ANKRD33B: variants seen among roughly 807,000 people sequenced by gnomAD.
The protein encoded by ANKRD33B is ankyrin repeat domain 33B.
ANKRD33B carries 6 observed loss-of-function variants against 21.5 expected under a neutral mutation model. That is an observed-to-expected ratio of 0.28 (90% CI 0.15 to 0.55). The LOEUF is 0.55. ANKRD33B is among the 20% of genes least tolerant of loss of function. The pLI is 0.94. For synonymous variants in ANKRD33B, 347 were observed against 342.4 expected, an observed-to-expected ratio of 1.01 and a Z score of -0.15; for missense variants, 698 against 747.2, an observed-to-expected ratio of 0.93 and a Z score of 0.77.
chr5:10,635,923 C>G (rs1185438242), intron 2 of ANKRD33B, among the ~76,000 whole-genome samples: 3 of 152,260 alleles, frequency 2.0e-5, no homozygotes, highest in Non-Finnish European at 1.5e-5. Flanking sequence ...GAGATCTCAG[C>G]CGCAGCGGGG....
intron 2 of ANKRD33B, among the ~76,000 whole-genome samples, chr5:10,631,905 T>G (rs1736724918): frequency 1.3e-5 from 2 of 152,200 alleles, no homozygotes; most frequent in Admixed American, 1.3e-4. Flanking sequence ...GCTGGTCGGT[T>G]GTTTCATCCA....
At chr5:10,632,134 G>A (rs752605562) in intron 2 of ANKRD33B, among the ~76,000 whole-genome samples, 28 of 151,952 alleles carry the variant, frequency 1.8e-4, no homozygotes, top group Admixed American at 9.2e-4. Context: ...GGTTCAGTCC[G>A]TTGGATGGCT....
Position 10,612,580 on chromosome 5 carries a change from G to A in ANKRD33B, c.367-5753G>A, listed in dbSNP as rs1056961503. Among the ~76,000 whole-genome samples the A allele has an allele frequency of 5.9e-5, 9 of 152,228 alleles. No individual in the cohort carries two copies. The South Asian group carries it at 1.0e-3, about 17-fold the overall frequency. On this transcript the variant is annotated intron_variant, in intron 1 of 3. Transcript: ENST00000296657. Reference sequence around the variant, plus strand: ...AACATTTGAGTCAGTCTTCATTCACGCTGCCCGAGTATTCTTGCATTACCT... The same window carrying A: ...AACATTTGAGTCAGTCTTCATTCACACTGCCCGAGTATTCTTGCATTACCT...
chr5:10,624,779 G>GCGCCTC (rs1736506778), intron 2 of ANKRD33B: 1 of 456,650 alleles, frequency 2.2e-6, no homozygotes, highest in Admixed American at 2.3e-5. Context: ...TCCCAATCTT[G>GCGCCTC]CGCCTCCGGC....
chr5:10,624,921 G>C (rs2126588332), intron 2 of ANKRD33B: 1 of 396,446 alleles, frequency 2.5e-6, no homozygotes, highest in South Asian at 1.8e-5. Flanking sequence ...CAGATCAACA[G>C]GTTTCCTGGT....
intron 2 of ANKRD33B, among the ~76,000 whole-genome samples, chr5:10,625,336 T>C (rs1254448866): frequency 1.3e-5 from 2 of 152,278 alleles, no homozygotes; most frequent in African/African-American, 2.4e-5. Context: ...GTCTTCCAAA[T>C]ATTCCAGCTC....
At position 10,649,249 on chromosome 5, in the gene ANKRD33B, TGTTTTGC is replaced by T; in HGVS notation, c.638-9_638-3del. The T allele has an allele frequency of 1.3e-6, 2 of 1,507,676 alleles. No homozygotes were observed. Among genetic ancestry groups the T allele is most frequent in the Non-Finnish European group, 1.8e-6 (2 of 1,127,890 alleles). 93.4% of individuals were successfully genotyped at this position (1,507,676 alleles called of 1,614,324 possible). A position where few individuals can be genotyped will look rare whatever the true frequency, so the allele number is the denominator to read the frequency against. ...TGTTGCCGCCACCCACTTCTGTTTG[TGTTTTGC>T]GTTTTGCAGGGGCGGATGTCCACGC... is the stretch of plus-strand genomic sequence containing the variant. On this transcript the variant is annotated splice_polypyrimidine_tract_variant and intron_variant, in intron 3 of 3. Transcript: ENST00000296657.
In ANKRD33B at chr5:10,581,197, T is replaced by A. The variant is rs1034093512; in HGVS notation, c.366+16364T>A. On this transcript the variant is annotated intron_variant, in intron 1 of 3. Transcript: ENST00000296657. ...TCCCCATCCCAGCCACTGAGACTTC[T>A]CATGACCTTGGCAGGGCTGCCTCCT... is the stretch of plus-strand genomic sequence containing the variant. Among the ~76,000 whole-genome samples the A allele has an allele frequency of 1.6e-4, 24 of 152,344 alleles. 1 individual carries two copies. The highest frequency in any genetic ancestry group is 3.4e-3 in the Middle Eastern group (1 of 294).
chr5:10,635,485 G>C lies in ANKRD33B; in HGVS notation c.497-2543G>C, dbSNP rs1186785082. ...GTCAAAAAAGCACCAGCGACTGGCT[G>C]TGAGTCACGCAGCGAGGGGATCGTA... is the stretch of plus-strand genomic sequence containing the variant. On this transcript the variant is annotated intron_variant, in intron 2 of 3. Transcript: ENST00000296657. Among the ~76,000 whole-genome samples, 5 of 152,222 alleles carry C rather than the reference G, an allele frequency of 3.3e-5. No homozygotes were observed. In the East Asian group the frequency reaches 9.6e-4, roughly 29 times the overall value.
intron 1 of ANKRD33B, among the ~76,000 whole-genome samples, chr5:10,617,870 G>C (rs910660272): frequency 4.6e-5 from 7 of 152,118 alleles, no homozygotes; most frequent in Non-Finnish European, 5.9e-5. Context: ...TCCCCTCTCT[G>C]TGTCCCTGTG....
chr5:10,622,623 T>G (rs1736444830), intron 2 of ANKRD33B, among the ~76,000 whole-genome samples: 1 of 152,176 alleles, frequency 6.6e-6, no homozygotes, highest in Non-Finnish European at 1.5e-5. Flanking sequence ...AATGTTCTTT[T>G]GCTTCTTGCA....
chr5:10,631,682 A>T (rs1736714391), intron 2 of ANKRD33B, among the ~76,000 whole-genome samples: 1 of 152,220 alleles, frequency 6.6e-6, no homozygotes, highest in Non-Finnish European at 1.5e-5. Context: ...TATCGATGAG[A>T]GGAGAAACAC....
chr5:10,631,548 GC>G (rs754653091), intron 2 of ANKRD33B, among the ~76,000 whole-genome samples: 3 of 152,238 alleles, frequency 2.0e-5, no homozygotes, highest in Non-Finnish European at 4.4e-5. Flanking sequence ...CAGGGAAGCA[GC>G]GCCTCTGGCC....
intron 2 of ANKRD33B, among the ~76,000 whole-genome samples, chr5:10,636,027 C>T (rs535148278): frequency 7.2e-5 from 11 of 152,296 alleles, no homozygotes; most frequent in East Asian, 3.9e-4. Flanking sequence ...CATGCCTGCC[C>T]GACCCCAGAG....
At chr5:10,612,216 T>C (rs1428210996) in intron 1 of ANKRD33B, among the ~76,000 whole-genome samples, 1 of 152,244 alleles carries the variant, frequency 6.6e-6, no homozygotes, top group African/African-American at 2.4e-5. Context: ...TAGGCTGCTA[T>C]AGCAAAATAC....
Position 10,621,680 on chromosome 5 carries a change from A to G in ANKRD33B, c.496+3218A>G, listed in dbSNP as rs149373662. Among the ~76,000 whole-genome samples the G allele has an allele frequency of 2.5e-3, 383 of 152,390 alleles. 8 individuals carry two copies. Among genetic ancestry groups the G allele is most frequent in the Admixed American group, 0.024 (360 of 15,310 alleles). On this transcript the variant is annotated intron_variant, in intron 2 of 3. Coordinates refer to ENST00000296657, the MANE Select transcript of ANKRD33B (RefSeq NM_001164440.2). Reference sequence around the variant, plus strand: ...ATTTGAAGAACAGGCACATAGAGGCAATCACAAATGCTGAAATACATCTGC... The same window carrying G: ...ATTTGAAGAACAGGCACATAGAGGCGATCACAAATGCTGAAATACATCTGC...
intron 3 of ANKRD33B, among the ~76,000 whole-genome samples, chr5:10,647,296 T>C (rs1027204518): frequency 2.1e-4 from 32 of 151,994 alleles, no homozygotes; most frequent in African/African-American, 7.7e-4. Flanking sequence ...TTAGTAGAGG[T>C]GGGGTTTCAC....
At chr5:10,627,548 C>G (rs536293189) in intron 2 of ANKRD33B, 1 of 152,172 alleles carries the variant, frequency 6.6e-6, no homozygotes, top group African/African-American at 2.4e-5. Context: ...GTTTGGGCTG[C>G]GGGGGAGCCC....
rs1023692977 is a variant in ANKRD33B at position 10,653,275 on chromosome 5, C to T, written c.*3162C>T. On this transcript the variant is annotated 3_prime_UTR_variant, in exon 4 of 4. Coordinates refer to ENST00000296657, the MANE Select transcript of ANKRD33B (RefSeq NM_001164440.2). ...TTTTTGCCATGTGGAAGCAGATTTG[C>T]TAGTAGAGGAATTTTCCAAGTCAAG... 5 of 152,398 alleles carry T rather than the reference C, an allele frequency of 3.3e-5. No homozygotes were observed. In the South Asian group the frequency reaches 6.2e-4, roughly 19 times the overall value. The allele number at this position is 152,398 out of a possible 1,614,324, so 9.4% of individuals were successfully genotyped here. A position where few individuals can be genotyped will look rare whatever the true frequency, so the allele number is the denominator to read the frequency against.
Sources: allele counts gnomAD v4.1 joint callset (sites outside exome capture counted in the v4.1 genomes callset), GRCh38; gene constraint gnomAD v4.1.1; transcripts MANE v1.5; gene names NCBI Gene and HGNC (gene_info 2026-07-23, HGNC 2026-07-21).